Variants in SH2D3C observed in about 807,000 individuals in gnomAD.
The protein encoded by SH2D3C is SH2 domain containing 3C.
SH2D3C carries 25 observed loss-of-function variants against 75.2 expected under a neutral mutation model. The observed-to-expected ratio is 0.33, with a 90% CI of 0.24 to 0.46. The LOEUF (loss-of-function observed/expected upper bound fraction) is 0.46, where lower values mean the gene tolerates loss of function less well. Ranked by LOEUF, SH2D3C falls within the 20% of genes least tolerant of loss-of-function variation. SH2D3C has a pLI of 1.00. For synonymous variants in SH2D3C, 450 were observed against 473.7 expected (o/e 0.95, Z 0.65); for missense variants, 933 against 1,165.3 (o/e 0.80, Z 2.90).
intron 2 of SH2D3C, among the ~76,000 whole-genome samples, chr9:127,766,008 T>C (rs772172379): frequency 1.3e-5 from 2 of 152,246 alleles, no homozygotes; most frequent in African/African-American, 4.8e-5. Context: ...GCTTAATTAA[T>C]TGGATTAATG....
rs376504443 is a variant in SH2D3C at position 127,739,419 on chromosome 9, A to G, written c.2407+263T>C. ...CAGCTACTCGGGAGGCTGAGGCAGG[A>G]GAATCGCTTGAACTTGGGAGGCGGA... On this transcript the variant is annotated intron_variant, in intron 11 of 11. Transcript: ENST00000314830. The surrounding 1 kb of genome is among the most constrained non-coding windows in gnomAD (Gnocchi z 4.3). 2.0e-5 allele frequency among the ~76,000 whole-genome samples: 3 copies of G among 152,226 alleles called. No homozygotes were observed. Among genetic ancestry groups the G allele is most frequent in the South Asian group, 2.1e-4 (1 of 4,826 alleles).
rs1398906607 is a variant in SH2D3C at position 127,751,661 on chromosome 9, C to CT, written c.556-362dup. Among the ~76,000 whole-genome samples, 91 of 152,338 alleles carry CT rather than the reference C, an allele frequency of 6.0e-4. 1 individual carries two copies. The highest frequency in any genetic ancestry group is 2.1e-3 in the African/African-American group (89 of 41,588). On this transcript the variant is annotated intron_variant, in intron 3 of 11. Coordinates refer to ENST00000314830, the MANE Select transcript of SH2D3C (RefSeq NM_170600.3). The surrounding 1 kb of genome is among the most constrained non-coding windows in gnomAD (Gnocchi z 4.1). ...TGGACAGCGGCAAAGAGCCGGGTGG[C>CT]TTTTACAAGCGGGATTAAGCCTGGG...
intron 1 of SH2D3C, among the ~76,000 whole-genome samples, chr9:127,776,002 T>C (rs1845803115): frequency 6.6e-6 from 1 of 151,984 alleles, no homozygotes; most frequent in Non-Finnish European, 1.5e-5. Context: ...CTGGTTTTTG[T>C]ATTTTTAGTA....
At chr9:127,759,410 T>C (rs2131785514) in intron 3 of SH2D3C, among the ~76,000 whole-genome samples, 1 of 152,284 alleles carries the variant, frequency 6.6e-6, no homozygotes, top group East Asian at 1.9e-4. Flanking sequence ...GAGATAGGAT[T>C]TCGCCATGTT....
At chr9:127,778,173 G>C (rs1175530078) in intron 1 of SH2D3C, among the ~76,000 whole-genome samples, 1 of 151,632 alleles carries the variant, frequency 6.6e-6, no homozygotes, top group Non-Finnish European at 1.5e-5. Context: ...ATTTTTAGTA[G>C]AGAGGGGTTT....
At position 127,747,129 on chromosome 9, in the gene SH2D3C, C is replaced by T. The variant is rs754148869; in HGVS notation, c.1264+18G>A. 6.2e-7 allele frequency: 1 copy of T among 1,610,038 alleles called. No homozygotes were observed. Among genetic ancestry groups the T allele is most frequent in the Admixed American group, 1.7e-5 (1 of 58,894 alleles). On this transcript the variant is annotated intron_variant, in intron 6 of 11. Transcript: ENST00000314830. ...AACAGATTCCCTCCACCTGCTCCAC[C>T]CCCTCTGCTGGCCATACCAGTGCTG...
intron 3 of SH2D3C, among the ~76,000 whole-genome samples, chr9:127,756,640 CTT>C (rs573247009): frequency 1.7e-3 from 155 of 93,814 alleles, no homozygotes; most frequent in African/African-American, 4.5e-3. Context: ...TAGGAGGGGG[CTT>C]TTTTTTTTTT....
intron 3 of SH2D3C, among the ~76,000 whole-genome samples, chr9:127,760,015 T>G (rs2131786992): frequency 6.6e-6 from 1 of 151,610 alleles, no homozygotes; most frequent in South Asian, 2.1e-4. Context: ...TTTTTTAAAT[T>G]AGCAGTGGCA....
rs954458061 is a variant in SH2D3C, at chr9:127,751,635, C to G, written c.556-335G>C. ...GTAGAGTGCGGTCAGCACCACAGCG[C>G]TGGACAGCGGCAAAGAGCCGGGTGG... On this transcript the variant is annotated intron_variant, in intron 3 of 11. Transcript: ENST00000314830. The surrounding 1 kb of genome is among the most constrained non-coding windows in gnomAD (Gnocchi z 4.1). 6.6e-6 allele frequency among the ~76,000 whole-genome samples: 1 copy of G among 152,236 alleles called. No homozygotes were observed. Among genetic ancestry groups the G allele is most frequent in the Admixed American group, 6.5e-5 (1 of 15,288 alleles).
rs149603002 is a variant in SH2D3C at position 127,764,967 on chromosome 9, C to A, written c.516-3317G>T. Among the ~76,000 whole-genome samples the A allele has an allele frequency of 2.9e-3, 445 of 152,274 alleles. 2 individuals carry two copies. The highest frequency in any genetic ancestry group is 0.01 in the African/African-American group (433 of 41,548). ...CAGGTGATCTGCCTGCCTCAGCCTC[C>A]CAAAAAGTGCTGGGATTACAGGCGT... On this transcript the variant is annotated intron_variant, in intron 2 of 11. Transcript: ENST00000314830.
intron 4 of SH2D3C, among the ~76,000 whole-genome samples, chr9:127,750,239 C>G (rs1047492195): frequency 6.6e-6 from 1 of 151,996 alleles, no homozygotes; most frequent in African/African-American, 2.4e-5. Flanking sequence ...ACTGCAACCT[C>G]CGCCTCCTTG....
intron 2 of SH2D3C, among the ~76,000 whole-genome samples, chr9:127,764,949 TCTGC>T (rs1039904423): frequency 1.3e-5 from 2 of 152,176 alleles, no homozygotes; most frequent in African/African-American, 4.8e-5. Flanking sequence ...CCTCAGGTGA[TCTGC>T]CTGCCTCAGC....
At position 127,754,735 on chromosome 9, in the gene SH2D3C, G is replaced by T. The variant is rs1024595045; in HGVS notation, c.556-3435C>A. On this transcript the variant is annotated intron_variant, in intron 3 of 11. Coordinates refer to ENST00000314830, the MANE Select transcript of SH2D3C (RefSeq NM_170600.3). The surrounding 1 kb of genome is among the most constrained non-coding windows in gnomAD (Gnocchi z 4.4). Reference sequence around the variant, plus strand: ...CAGGGTGCCCAGGTCAGCCGCAAGGGCCAGCGTACCAGGCGGAGGACCGGC... The same window carrying T: ...CAGGGTGCCCAGGTCAGCCGCAAGGTCCAGCGTACCAGGCGGAGGACCGGC... 30 of 448,026 alleles carry T rather than the reference G, an allele frequency of 6.7e-5. No individual in the cohort carries two copies. The Admixed American group carries it at 7.1e-4, about 11-fold the overall frequency. The allele number at this position is 448,026 out of a possible 1,614,324, so 27.8% of individuals were successfully genotyped here.
At position 127,751,073 on chromosome 9, in the gene SH2D3C, C is replaced by T; in HGVS notation, c.684+99G>A. The T allele has an allele frequency of 1.7e-6, 2 of 1,168,626 alleles. No individual in the cohort carries two copies. Among genetic ancestry groups the T allele is most frequent in the South Asian group, 1.3e-5 (1 of 74,794 alleles). 72.4% of individuals were successfully genotyped at this position (1,168,626 alleles called of 1,614,324 possible). On this transcript the variant is annotated intron_variant, in intron 4 of 11. Coordinates refer to ENST00000314830, the MANE Select transcript of SH2D3C (RefSeq NM_170600.3). This position sits in a 1 kb window ranked among gnomAD's most constrained non-coding sequence, Gnocchi z 4.1. ...CATTCTGATTGAATCCACCAAGCAA[C>T]AGGTCAGAGCCTCCCAGGTGGCTGC...
intron 6 of SH2D3C, among the ~76,000 whole-genome samples, chr9:127,746,270 A>G (rs761026512): frequency 1.3e-5 from 2 of 152,192 alleles, no homozygotes; most frequent in Non-Finnish European, 2.9e-5. Flanking sequence ...CAACACTTCA[A>G]TGGAATGCCA....
chr9:127,766,536 G>T (rs114939466), intron 2 of SH2D3C, among the ~76,000 whole-genome samples: 1,758 of 152,268 alleles, frequency 0.012, 32 homozygotes, highest in African/African-American at 0.039. Flanking sequence ...CTCCTGGGGG[G>T]CTGAAGTTTC....
At chr9:127,764,770 C>T (rs927868869) in intron 2 of SH2D3C, among the ~76,000 whole-genome samples, 10 of 152,156 alleles carry the variant, frequency 6.6e-5, no homozygotes, top group African/African-American at 2.2e-4. Flanking sequence ...TACAGTGGTG[C>T]GATCTTGGCT....
Position 127,738,921 on chromosome 9 carries a change from C to T in SH2D3C, c.2408G>A (p.Gly803Glu). The T allele has an allele frequency of 1.3e-6, 2 of 1,572,068 alleles. No individual in the cohort carries two copies. Among genetic ancestry groups the T allele is most frequent in the Non-Finnish European group, 1.7e-6 (2 of 1,157,530 alleles). The part of the protein sequence containing the change: ...YHTNAEVKLQ[G>E]FQARPELLEV... ...CAGGAGCTCCGGCCGGGCCTGGAAC[C>T]CTGCAGTGTTGGGGCATAGGGTCAG... Residue 803 changes from glycine to glutamate, a missense_variant and splice_region_variant, in exon 12 of 12, where the codon GGG becomes GAG. By Grantham distance (98) the Gly-to-Glu change is moderately conservative (BLOSUM62 -2). Coordinates refer to ENST00000314830, the MANE Select transcript of SH2D3C (RefSeq NM_170600.3). The surrounding 1 kb of genome is among the most constrained non-coding windows in gnomAD (Gnocchi z 5.0).
intron 2 of SH2D3C, among the ~76,000 whole-genome samples, chr9:127,768,180 G>A (rs894596532): frequency 6.6e-6 from 1 of 152,194 alleles, no homozygotes; most frequent in Admixed American, 6.5e-5. Flanking sequence ...CCCACCCCTG[G>A]TGGGTAATCG....
Sources: allele counts gnomAD v4.1 joint callset (sites outside exome capture counted in the v4.1 genomes callset), GRCh38; gene constraint gnomAD v4.1.1; non-coding constraint Gnocchi (gnomAD v3.1); transcripts MANE v1.5; gene names NCBI Gene and HGNC (gene_info 2026-07-23, HGNC 2026-07-21).